The following CADPS variants were observed in gnomAD, a reference collection of about 807,000 sequenced individuals.
CADPS encodes calcium dependent secretion activator.
In CADPS, 57 loss-of-function variants were observed where a neutral mutation model predicts 167.3. The ratio of observed to expected loss-of-function variants is 0.34; its 90% CI spans 0.28 to 0.42. The LOEUF is 0.42. CADPS is among the 20% of genes least tolerant of loss of function. The pLI is 1.00. For missense variants in CADPS, 1,414 were observed against 1,738.1 expected (o/e 0.81, Z 3.32); for synonymous variants, 676 against 635.3 (o/e 1.06, Z -0.96).
At chr3:62,690,039 G>A (rs992774494) in intron 3 of CADPS, among the ~76,000 whole-genome samples, 1 of 151,936 alleles carries the variant, frequency 6.6e-6, no homozygotes, top group Admixed American at 6.6e-5. Context: ...CTGGACTAGA[G>A]TCCCAAGCAG....
intron 1 of CADPS, among the ~76,000 whole-genome samples, chr3:62,782,870 C>CT (rs2091899381): frequency 6.6e-6 from 1 of 151,718 alleles, no homozygotes; most frequent in African/African-American, 2.4e-5. Flanking sequence ...AACGATTCTC[C>CT]TACCTTAGCC....
intron 27 of CADPS, among the ~76,000 whole-genome samples, chr3:62,441,544 G>T (rs1452121924): frequency 1.3e-5 from 2 of 152,104 alleles, no homozygotes; most frequent in East Asian, 3.9e-4. Flanking sequence ...TTAGGTGACT[G>T]GTACTAGAAC....
intron 1 of CADPS, among the ~76,000 whole-genome samples, chr3:62,809,289 G>A (rs1260693714): frequency 6.6e-6 from 1 of 152,116 alleles, no homozygotes; most frequent in East Asian, 1.9e-4. Context: ...ACTTAGAATA[G>A]CATTCAAACT....
intron 17 of CADPS, among the ~76,000 whole-genome samples, chr3:62,508,222 G>C (rs567110863): frequency 6.6e-6 from 1 of 152,300 alleles, no homozygotes; most frequent in South Asian, 2.1e-4. Flanking sequence ...CAGCCTGGTG[G>C]GGTGGTGATG....
At chr3:62,533,380 C>A (rs898934926) in intron 12 of CADPS, among the ~76,000 whole-genome samples, 2 of 152,098 alleles carry the variant, frequency 1.3e-5, no homozygotes, top group African/African-American at 4.8e-5. Flanking sequence ...TGCTTGAACA[C>A]GGAACCATAC....
intron 6 of CADPS, among the ~76,000 whole-genome samples, chr3:62,605,599 A>G (rs2060589803): frequency 6.6e-6 from 1 of 152,192 alleles, no homozygotes; most frequent in African/African-American, 2.4e-5. Context: ...AGGCTCTGGA[A>G]TCTGGCAGCC....
At chr3:62,481,536 A>G (rs1261945694) in intron 22 of CADPS, among the ~76,000 whole-genome samples, 187 bp downstream of exon 22, 1 of 152,258 alleles carries the variant, frequency 6.6e-6, no homozygotes, top group African/African-American at 2.4e-5. Context: ...AGTGCTGTAT[A>G]TATAGCAAAC....
At position 62,478,354 on chromosome 3, in the gene CADPS, C is replaced by T. The variant is rs1380591245; in HGVS notation, c.3236G>A (p.Arg1079Gln). Residue 1079 changes from arginine (R) to glutamine (Q), a missense_variant, in exon 23 of 30, where the codon CGG becomes CAG. Arg to Gln is a conservative substitution (Grantham distance 43, BLOSUM62 1). This residue lies in a region of CADPS where 529 missense variants were observed against 629.6 expected (regional missense o/e 0.84). Coordinates refer to ENST00000383710, the MANE Select transcript of CADPS (RefSeq NM_003716.4). The surrounding 1 kb of genome is among the most constrained non-coding windows in gnomAD (Gnocchi z 5.7). ...CTCTTCTTCAGGCCAGTGCAGGTCC[C>T]GAATGAAGGTCTGAAGGGCGTCAAG... is the stretch of plus-strand genomic sequence containing the variant. ...WKLDALQTFI[R>Q]DLHWPEEEFG... 4.3e-6 allele frequency: 7 copies of T among 1,613,648 alleles called. No homozygotes were observed. The highest frequency in any genetic ancestry group is 1.7e-4 in the Middle Eastern group (1 of 6,058).
intron 3 of CADPS, among the ~76,000 whole-genome samples, chr3:62,746,599 A>T (rs576079385): frequency 6.6e-6 from 1 of 152,090 alleles, no homozygotes; most frequent in African/African-American, 2.4e-5. Flanking sequence ...CAGTTTCCCA[A>T]AGTGTTGGGA....
chr3:62,782,765 T>C (rs528045549), intron 1 of CADPS, among the ~76,000 whole-genome samples: 10 of 150,754 alleles, frequency 6.6e-5, no homozygotes, highest in East Asian at 5.8e-4. Context: ...TTCTTTCTTT[T>C]TTTTTTTTTT....
chr3:62,723,571 C>T (rs572213286), intron 3 of CADPS, among the ~76,000 whole-genome samples: 18 of 151,962 alleles, frequency 1.2e-4, no homozygotes, highest in Admixed American at 9.2e-4. Flanking sequence ...GTTTATCAGG[C>T]TAAATAGGAA....
At chr3:62,683,909 T>C (rs1395694356) in intron 3 of CADPS, among the ~76,000 whole-genome samples, 2 of 152,052 alleles carry the variant, frequency 1.3e-5, no homozygotes, top group East Asian at 1.9e-4. Context: ...ATTCTCAATA[T>C]GTCATATCAA....
chr3:62,671,327 G>C (rs1327558689), intron 3 of CADPS, among the ~76,000 whole-genome samples: 1 of 151,940 alleles, frequency 6.6e-6, no homozygotes, highest in African/African-American at 2.4e-5. Context: ...CTGGGGCTGG[G>C]AGACTGTCCA....
At chr3:62,745,946 A>G (rs1480833556) in intron 3 of CADPS, among the ~76,000 whole-genome samples, 1 of 152,226 alleles carries the variant, frequency 6.6e-6, no homozygotes, top group Non-Finnish European at 1.5e-5. Context: ...GCAATTTCAG[A>G]CTGCATTAAG....
intron 28 of CADPS, among the ~76,000 whole-genome samples, chr3:62,422,867 T>A (rs547999435): frequency 2.0e-5 from 3 of 152,354 alleles, no homozygotes; most frequent in African/African-American, 7.2e-5. Context: ...AGCATTGTTA[T>A]TTAATAATAC....
rs1183303208 is a variant in CADPS at position 62,850,761 on chromosome 3, G to A, written c.441+23828C>T. ...AAAATGTATATTCTGTTGATTTGGGGTGGAGAGTTCTGTAGATGTCTATTA... is the reference window on the plus strand; with the variant it reads ...AAAATGTATATTCTGTTGATTTGGGATGGAGAGTTCTGTAGATGTCTATTA... On this transcript the variant is annotated intron_variant, in intron 1 of 29. Coordinates refer to ENST00000383710, the MANE Select transcript of CADPS (RefSeq NM_003716.4). Among the ~76,000 whole-genome samples the A allele has an allele frequency of 2.6e-5, 4 of 151,184 alleles. No homozygotes were observed. The East Asian group carries it at 7.8e-4, about 30-fold the overall frequency.
chr3:62,806,382 A>T (rs867120259), intron 1 of CADPS, among the ~76,000 whole-genome samples: 9 of 124,268 alleles, frequency 7.2e-5, no homozygotes, highest in Middle Eastern at 4.6e-3. Context: ...AAAAAAAAAA[A>T]TTAGCCGGGT....
intron 1 of CADPS, among the ~76,000 whole-genome samples, chr3:62,769,431 C>T (rs1421091927): frequency 1.3e-5 from 2 of 151,932 alleles, no homozygotes. Flanking sequence ...GAGGTTTCAC[C>T]ATGTTGGCCA....
intron 1 of CADPS, among the ~76,000 whole-genome samples, chr3:62,772,650 G>C (rs2089202974): frequency 6.6e-6 from 1 of 152,122 alleles, no homozygotes; most frequent in Non-Finnish European, 1.5e-5. Flanking sequence ...TCAAGTCACT[G>C]TATGTTTTCT....
Sources: allele counts gnomAD v4.1 joint callset (sites outside exome capture counted in the v4.1 genomes callset), GRCh38; gene constraint gnomAD v4.1.1; regional missense constraint gnomAD v4.1.1; non-coding constraint Gnocchi (gnomAD v3.1); transcripts MANE v1.5; gene names NCBI Gene and HGNC (gene_info 2026-07-23, HGNC 2026-07-21).